The following COP1 variants were observed in gnomAD, a reference collection of about 807,000 sequenced individuals.
COP1 encodes E3 ubiquitin-protein ligase COP1.
A neutral mutation model predicts 101.3 loss-of-function variants in COP1; 24 were observed. The ratio of observed to expected loss-of-function variants is 0.24; its 90% CI spans 0.17 to 0.33. The LOEUF (loss-of-function observed/expected upper bound fraction) is 0.33, where lower values mean the gene tolerates loss of function less well. Among genes scored for constraint, COP1 ranks in the 10% least tolerant of loss-of-function variants. COP1 has a pLI of 1.00. For missense variants in COP1, 663 were observed against 906.2 expected, an observed-to-expected ratio of 0.73 and a Z score of 3.45; for synonymous variants, 347 against 341.9, an observed-to-expected ratio of 1.01 and a Z score of -0.17.
intron 19 of COP1, among the ~76,000 whole-genome samples, chr1:175,945,707 G>C (rs1649082706): frequency 6.6e-6 from 1 of 152,122 alleles, no homozygotes; most frequent in South Asian, 2.1e-4. Flanking sequence ...TTGTGATATT[G>C]CTAAAACTAA....
chr1:176,105,544 G>C (rs764577648), intron 9 of COP1, among the ~76,000 whole-genome samples: 2 of 152,014 alleles, frequency 1.3e-5, no homozygotes, highest in Non-Finnish European at 2.9e-5. Context: ...TATTTTGATC[G>C]TGACAGCTAG....
intron 18 of COP1, among the ~76,000 whole-genome samples, chr1:175,947,837 A>T (rs1649380111): frequency 6.6e-6 from 1 of 152,216 alleles, no homozygotes; most frequent in African/African-American, 2.4e-5. Flanking sequence ...GCCAAAAGAA[A>T]CAAAGACTGA....
intron 14 of COP1, among the ~76,000 whole-genome samples, chr1:176,040,003 T>C (rs1280834402): frequency 6.6e-6 from 1 of 152,078 alleles, no homozygotes; most frequent in Non-Finnish European, 1.5e-5. Flanking sequence ...GAAGAAAACT[T>C]ACGGGAAAAC....
intron 7 of COP1, among the ~76,000 whole-genome samples, chr1:176,135,868 T>A (rs992582452): frequency 9.9e-5 from 15 of 152,100 alleles, no homozygotes; most frequent in Non-Finnish European, 8.8e-5. Context: ...CTACAGAGGA[T>A]ACTGAACATC....
intron 8 of COP1, among the ~76,000 whole-genome samples, chr1:176,124,546 T>A (rs181458880): frequency 1.6e-4 from 24 of 152,220 alleles, no homozygotes; most frequent in Middle Eastern, 6.8e-3. Flanking sequence ...TCCTAGCTTA[T>A]TTCACTTAAC....
intron 15 of COP1, among the ~76,000 whole-genome samples, chr1:175,996,737 T>C (rs915523190): frequency 6.6e-6 from 1 of 151,920 alleles, no homozygotes; most frequent in Non-Finnish European, 1.5e-5. Context: ...CACTGCTCAG[T>C]GAAATAAAAG....
intron 15 of COP1, among the ~76,000 whole-genome samples, chr1:176,000,928 CTA>C (rs1661453256): frequency 6.6e-6 from 1 of 152,032 alleles, no homozygotes; most frequent in Non-Finnish European, 1.5e-5. Context: ...AATTTCAATA[CTA>C]TGTCAAAATT....
At chr1:176,199,914 G>A (rs1356474613) in intron 1 of COP1, among the ~76,000 whole-genome samples, 2 of 152,168 alleles carry the variant, frequency 1.3e-5, no homozygotes, top group Non-Finnish European at 2.9e-5. Context: ...CTTATTTTAT[G>A]CAAATTATAA....
At chr1:176,086,477 C>T (rs879340886) in intron 9 of COP1, among the ~76,000 whole-genome samples, 3 of 152,032 alleles carry the variant, frequency 2.0e-5, no homozygotes, top group Admixed American at 2.0e-4. Context: ...CCACCCGCCT[C>T]GGCCTCCCAA....
intron 1 of COP1, among the ~76,000 whole-genome samples, chr1:176,194,704 T>C (rs1243019510): frequency 6.6e-6 from 1 of 151,774 alleles, no homozygotes; most frequent in Non-Finnish European, 1.5e-5. Context: ...ATACTCTGGG[T>C]ACAAGAAACC....
At chr1:176,017,460 A>T (rs1321598692) in intron 15 of COP1, 2 of 152,142 alleles carry the variant, frequency 1.3e-5, no homozygotes, top group East Asian at 3.9e-4. Flanking sequence ...ATAAATTTTG[A>T]CCATTTAAAC....
rs71129555 is a variant in COP1 at position 176,127,561 on chromosome 1, C to CTGTGTGTGTGTGTG, written c.968+7435_968+7448dup. On this transcript the variant is annotated intron_variant, in intron 8 of 19. Transcript: ENST00000367669. Reference sequence around the variant, plus strand: ...CTTTTTAAGGTGGAATAGTATTCTACTGTGTGTGTGTGTGTGTGTGTGTGT... The same window carrying CTGTGTGTGTGTGTG: ...CTTTTTAAGGTGGAATAGTATTCTACTGTGTGTGTGTGTGTGTGTGTGTGTGTGTGTGTGTGTGT... Among the ~76,000 whole-genome samples the CTGTGTGTGTGTGTG allele has an allele frequency of 4.9e-3, 723 of 148,248 alleles. 38 individuals are homozygous for CTGTGTGTGTGTGTG. Among genetic ancestry groups the CTGTGTGTGTGTGTG allele is most frequent in the Admixed American group, 0.041 (614 of 14,820 alleles).
At chr1:175,953,642 C>A (rs547925898) in intron 18 of COP1, among the ~76,000 whole-genome samples, 128 of 151,830 alleles carry the variant, frequency 8.4e-4, no homozygotes, top group Non-Finnish European at 1.6e-3. Context: ...AGATAAGATA[C>A]ACCACGCAAA....
At chr1:176,006,862 G>A (rs1166322269) in intron 15 of COP1, among the ~76,000 whole-genome samples, 11 of 151,662 alleles carry the variant, frequency 7.3e-5, no homozygotes, top group South Asian at 2.1e-4. Context: ...TCTTTGTGGC[G>A]TTCTCTGTAT....
intron 1 of COP1, among the ~76,000 whole-genome samples, chr1:176,197,700 A>G (rs1452500408): frequency 6.6e-6 from 1 of 152,198 alleles, no homozygotes; most frequent in East Asian, 1.9e-4. Flanking sequence ...CGTTCTTTAA[A>G]TAGGGCATAT....
chr1:175,985,542 C>T (rs1325736473), intron 18 of COP1, among the ~76,000 whole-genome samples: 1 of 152,148 alleles, frequency 6.6e-6, no homozygotes, highest in African/African-American at 2.4e-5. Context: ...AAAGTAATCA[C>T]CCATACAACG....
At chr1:176,149,366 C>T (rs1692066325) in intron 5 of COP1, among the ~76,000 whole-genome samples, 1 of 152,074 alleles carries the variant, frequency 6.6e-6, no homozygotes, top group African/African-American at 2.4e-5. Context: ...GACTCCTAGC[C>T]TTCTCTTCCC....
rs932937461 is a variant in COP1, at chr1:176,082,699, G to A, written c.1142-1412C>T. Among the ~76,000 whole-genome samples the A allele has an allele frequency of 8.6e-5, 13 of 151,850 alleles. No homozygotes were observed. The South Asian group carries it at 1.2e-3, about 15-fold the overall frequency. The stretch of plus-strand genomic sequence containing the variant: ...AGCATGCCTGTAATCCTAGCTACTC[G>A]GGAGGCTAGGCAGGAGAATAGCTTG... On this transcript the variant is annotated intron_variant, in intron 10 of 19. Coordinates refer to ENST00000367669, the MANE Select transcript of COP1 (RefSeq NM_022457.7).
At chr1:175,963,249 T>C (rs927759382) in intron 18 of COP1, among the ~76,000 whole-genome samples, 5 of 152,152 alleles carry the variant, frequency 3.3e-5, no homozygotes, top group African/African-American at 9.7e-5. Context: ...CTAAACTTTT[T>C]TTTTTTCTCT....
Sources: allele counts gnomAD v4.1 joint callset (sites outside exome capture counted in the v4.1 genomes callset), GRCh38; gene constraint gnomAD v4.1.1; transcripts MANE v1.5; gene names NCBI Gene and HGNC (gene_info 2026-07-23, HGNC 2026-07-21).